The following VSTM4 variants were observed in gnomAD, a reference collection of about 807,000 sequenced individuals.
VSTM4 encodes V-set and transmembrane domain containing 4, also known as V-set and transmembrane domain-containing protein 4.
Under a neutral mutation model 36.4 loss-of-function variants are expected in VSTM4, and 20 were observed. The observed-to-expected ratio is 0.55, with a 90% confidence interval of 0.39 to 0.80. The LOEUF is 0.80. Among genes scored for constraint, VSTM4 ranks in the 30% least tolerant of loss-of-function variants. VSTM4 has a pLI of 0.00. For missense variants in VSTM4, 392 were observed against 404.5 expected, an observed-to-expected ratio of 0.97 and a Z score of 0.26; for synonymous variants, 182 against 173.9, an observed-to-expected ratio of 1.05 and a Z score of -0.37.
At chr10:49,053,634 C>A (rs1273096661) in intron 5 of VSTM4, among the ~76,000 whole-genome samples, 1 of 152,192 alleles carries the variant, frequency 6.6e-6, no homozygotes, top group Non-Finnish European at 1.5e-5. Flanking sequence ...GGTACAGGTG[C>A]AGTGTAGACG....
At chr10:49,051,403 T>C (rs906879450) in intron 5 of VSTM4, among the ~76,000 whole-genome samples, 3 of 150,994 alleles carry the variant, frequency 2.0e-5, no homozygotes, top group Non-Finnish European at 4.4e-5. Flanking sequence ...TTTTTTTTTT[T>C]TTTTTCTTTT....
intron 2 of VSTM4, among the ~76,000 whole-genome samples, chr10:49,104,640 A>G (rs1844731367): frequency 6.6e-6 from 1 of 152,054 alleles, no homozygotes; most frequent in South Asian, 2.1e-4. Context: ...TCAGCAAATC[A>G]TGGCCCTGCC....
At chr10:49,056,757 C>T (rs1843786337) in intron 5 of VSTM4, among the ~76,000 whole-genome samples, 1 of 152,232 alleles carries the variant, frequency 6.6e-6, no homozygotes, top group Non-Finnish European at 1.5e-5. Context: ...CTGCAAGATT[C>T]CTCCCTGGAC....
intron 5 of VSTM4, among the ~76,000 whole-genome samples, chr10:49,053,387 A>G (rs1348713689): frequency 1.3e-5 from 2 of 152,212 alleles, no homozygotes; most frequent in African/African-American, 4.8e-5. Flanking sequence ...CAGCGGCTGG[A>G]TTGAGTGAAC....
intron 5 of VSTM4, among the ~76,000 whole-genome samples, chr10:49,061,923 T>A (rs1167028141): frequency 6.6e-6 from 1 of 152,224 alleles, no homozygotes; most frequent in Non-Finnish European, 1.5e-5. Flanking sequence ...GTTTGTTTTC[T>A]GGTTATTTCC....
intron 4 of VSTM4, among the ~76,000 whole-genome samples, chr10:49,076,415 T>A (rs908633056): frequency 2.0e-5 from 3 of 152,188 alleles, no homozygotes; most frequent in African/African-American, 4.8e-5. Flanking sequence ...TGTCAGCCTG[T>A]AAGTAAGGGA....
At chr10:49,085,755 G>A (rs1844358468) in intron 3 of VSTM4, among the ~76,000 whole-genome samples, 200 bp downstream of exon 3, 1 of 152,086 alleles carries the variant, frequency 6.6e-6, no homozygotes, top group Admixed American at 6.6e-5. Context: ...TGGGGGAAAG[G>A]GGGAGGGATG....
At chr10:49,101,553 T>C (rs913809677) in intron 2 of VSTM4, among the ~76,000 whole-genome samples, 1 of 152,142 alleles carries the variant, frequency 6.6e-6, no homozygotes, top group Non-Finnish European at 1.5e-5. Context: ...ATTAAAACAA[T>C]GAAATATTTT....
intron 5 of VSTM4, among the ~76,000 whole-genome samples, chr10:49,055,249 G>A (rs939722661): frequency 3.9e-5 from 6 of 152,086 alleles, no homozygotes; most frequent in African/African-American, 7.2e-5. Context: ...GAAAGGTGTC[G>A]CTTCAGCTGA....
chr10:49,087,697 T>C (rs1564589225), intron 2 of VSTM4, among the ~76,000 whole-genome samples: 1 of 152,032 alleles, frequency 6.6e-6, no homozygotes, highest in Non-Finnish European at 1.5e-5. Flanking sequence ...AAAAACTAAC[T>C]CACCTCCTAA....
At position 49,057,555 on chromosome 10, in the gene VSTM4, A is replaced by G. The variant is rs550377959; in HGVS notation, c.668+7148T>C. Reference sequence around the variant, plus strand: ...CCTGACACTGAAGCTGTCGGAATCCAGGTGCATATTCTTTATGCCAGGAAC... The same window carrying G: ...CCTGACACTGAAGCTGTCGGAATCCGGGTGCATATTCTTTATGCCAGGAAC... On this transcript the variant is annotated intron_variant, in intron 5 of 7. Coordinates refer to ENST00000332853, the MANE Select transcript of VSTM4 (RefSeq NM_001031746.5). 7.2e-5 allele frequency among the ~76,000 whole-genome samples: 11 copies of G among 152,314 alleles called. No individual in the cohort carries two copies. The South Asian group carries it at 2.3e-3, about 32-fold the overall frequency.
chr10:49,029,508 G>T (rs1294966830), intron 7 of VSTM4, among the ~76,000 whole-genome samples: 1 of 152,184 alleles, frequency 6.6e-6, no homozygotes, highest in African/African-American at 2.4e-5. Context: ...TGGATTACAG[G>T]TGGTGTCTGG....
Position 49,104,721 on chromosome 10 carries a change from T to C in VSTM4, c.457+2873A>G, listed in dbSNP as rs534329014. Among the ~76,000 whole-genome samples the C allele has an allele frequency of 5.5e-4, 83 of 151,676 alleles. No individual in the cohort carries two copies. In the South Asian group the frequency reaches 0.01, roughly 19 times the overall value. On this transcript the variant is annotated intron_variant, in intron 2 of 7. Coordinates refer to ENST00000332853, the MANE Select transcript of VSTM4 (RefSeq NM_001031746.5). ...CTGAGAGGGTAGAACCACTTCTGGGTGAGAGGTCAGAGGGGAGTGGGCGAG... is the reference window on the plus strand; with the variant it reads ...CTGAGAGGGTAGAACCACTTCTGGGCGAGAGGTCAGAGGGGAGTGGGCGAG...
intron 4 of VSTM4, among the ~76,000 whole-genome samples, chr10:49,075,371 C>A (rs568495771): frequency 6.6e-6 from 1 of 152,246 alleles, no homozygotes; most frequent in South Asian, 2.1e-4. Flanking sequence ...CACACTCCAA[C>A]AGTTGGGTGT....
intron 4 of VSTM4, among the ~76,000 whole-genome samples, chr10:49,071,161 C>T (rs531013666): frequency 1.3e-5 from 2 of 152,336 alleles, no homozygotes; most frequent in African/African-American, 4.8e-5. Context: ...ACAGCTCACA[C>T]TGATGAGTAC....
chr10:49,064,896 G>A (rs1343006704), intron 4 of VSTM4, among the ~76,000 whole-genome samples, 160 bp from the exon 5 acceptor site: 1 of 152,198 alleles, frequency 6.6e-6, no homozygotes, highest in African/African-American at 2.4e-5. Context: ...GAAGAGCACA[G>A]CAGAGCCATC....
intron 4 of VSTM4, among the ~76,000 whole-genome samples, chr10:49,074,567 C>T (rs981669119): frequency 5.3e-5 from 8 of 152,204 alleles, no homozygotes; most frequent in African/African-American, 1.7e-4. Flanking sequence ...AAGGAGACTA[C>T]CTAGGCCCAT....
chr10:49,032,234 C>T (rs79553893), intron 7 of VSTM4, among the ~76,000 whole-genome samples: 1,596 of 152,314 alleles, frequency 0.01, 15 homozygotes, highest in South Asian at 0.035. Flanking sequence ...CCTCATTCGA[C>T]ATGTGCAGAG....
chr10:49,101,676 T>C (rs933799170), intron 2 of VSTM4, among the ~76,000 whole-genome samples: 2 of 152,234 alleles, frequency 1.3e-5, no homozygotes, highest in African/African-American at 4.8e-5. Context: ...TTTTCAGTGA[T>C]AGCATTTTGG....
Sources: gnomAD v4.1 joint callset for allele counts (sites outside exome capture counted in the v4.1 genomes callset) on GRCh38, gnomAD v4.1.1 for gene constraint, MANE v1.5 for transcripts, NCBI Gene and HGNC (gene_info 2026-07-23, HGNC 2026-07-21) for gene names.